The following ADAMTS9 variants were observed in gnomAD, a reference collection of about 807,000 sequenced individuals.
ADAMTS9 encodes ADAM metallopeptidase with thrombospondin type 1 motif 9.
In ADAMTS9, 107 loss-of-function variants were observed where a neutral mutation model predicts 257.1. The ratio of observed to expected loss-of-function variants is 0.42; its 90% confidence interval spans 0.36 to 0.49. The LOEUF (loss-of-function observed/expected upper bound fraction) is 0.49. Ranked by LOEUF, ADAMTS9 falls within the 20% of genes least tolerant of loss-of-function variation. ADAMTS9 has a pLI of 0.03. For synonymous variants in ADAMTS9, 982 were observed against 880.9 expected (o/e 1.11, Z -2.03); for missense variants, 2,353 against 2,469.1 (o/e 0.95, Z 1.00).
intron 28 of ADAMTS9, chr3:64,587,043 C>T (rs1252955037): frequency 6.6e-6 from 1 of 152,204 alleles, no homozygotes; most frequent in Non-Finnish European, 1.5e-5. Flanking sequence ...CTTAACTGAA[C>T]TTATGGCCAC....
rs575043420 is a variant in ADAMTS9, at chr3:64,550,820, C to T, written c.4869+72G>A. 483 of 1,579,716 alleles carry T rather than the reference C, an allele frequency of 3.1e-4. 2 individuals are homozygous for T. The Middle Eastern group carries it at 3.2e-3, about 10-fold the overall frequency. ...AAGTCTCCCACATTCCTGCACTCAT[C>T]CCTCCACTCATCCCTCTGCCACTCT... On this transcript the variant is annotated intron_variant, in intron 31 of 39. Transcript: ENST00000498707.
chr3:64,649,815 C>T (rs368586677), intron 9 of ADAMTS9, 37 bp from the exon 10 acceptor site: 28 of 1,586,246 alleles, frequency 1.8e-5, no homozygotes, highest in Middle Eastern at 1.9e-4. Flanking sequence ...ATGGTGAGAA[C>T]GGTGGCTGTC....
chr3:64,582,274 C>A (rs1190197606), intron 28 of ADAMTS9, among the ~76,000 whole-genome samples: 1 of 152,106 alleles, frequency 6.6e-6, no homozygotes, highest in Non-Finnish European at 1.5e-5. Context: ...CAAGTTAATG[C>A]CACATATTTG....
intron 38 of ADAMTS9, among the ~76,000 whole-genome samples, chr3:64,530,967 A>C (rs1251286145): frequency 6.6e-6 from 1 of 152,210 alleles, no homozygotes; most frequent in African/African-American, 2.4e-5. Context: ...TTTGGAGGGA[A>C]GGAATGGGGA....
At chr3:64,645,262 T>C (rs1436563603) in intron 11 of ADAMTS9, among the ~76,000 whole-genome samples, 1 of 152,228 alleles carries the variant, frequency 6.6e-6, no homozygotes, top group African/African-American at 2.4e-5. Flanking sequence ...GAGGTTGGAA[T>C]GGGGACTTGG....
At chr3:64,650,850 A>G (rs901189674) in intron 9 of ADAMTS9, 167 bp downstream of exon 9, 1 of 665,364 alleles carries the variant, frequency 1.5e-6, no homozygotes, top group Non-Finnish European at 2.4e-6. Flanking sequence ...GATATGAACT[A>G]CACAGATGTC....
chr3:64,586,384 G>T (rs2084154029), intron 28 of ADAMTS9, among the ~76,000 whole-genome samples: 1 of 152,162 alleles, frequency 6.6e-6, no homozygotes, highest in African/African-American at 2.4e-5. Flanking sequence ...GATAACTGAA[G>T]CTATCAATTC....
rs942409336 is a variant in ADAMTS9, at chr3:64,643,344, TA to T, written c.1711-1352del. Among the ~76,000 whole-genome samples the T allele has an allele frequency of 9.9e-4, 149 of 151,078 alleles. 1 individual carries two copies. The highest frequency in any genetic ancestry group is 3.4e-3 in the African/African-American group (141 of 41,130). ...TAATTTAAGAATTTCTAAAGTCACA[TA>T]AAAAACTAATAAAAAACTTAAATTA... On this transcript the variant is annotated intron_variant, in intron 11 of 39. Coordinates refer to ENST00000498707, the MANE Select transcript of ADAMTS9 (RefSeq NM_182920.2).
At chr3:64,599,333 C>G (rs1389568192) in intron 26 of ADAMTS9, among the ~76,000 whole-genome samples, 1 of 152,176 alleles carries the variant, frequency 6.6e-6, no homozygotes, top group Non-Finnish European at 1.5e-5. Flanking sequence ...CTTTAAATGA[C>G]AACATTTTCT....
At chr3:64,572,243 G>T (rs2083706618) in intron 28 of ADAMTS9, among the ~76,000 whole-genome samples, 1 of 152,170 alleles carries the variant, frequency 6.6e-6, no homozygotes. Context: ...TTTCTGTTGG[G>T]TGGCTTGAAG....
chr3:64,533,406 A>G, intron 37 of ADAMTS9, 136 bp from the exon 38 acceptor site: 1 of 686,554 alleles, frequency 1.5e-6, no homozygotes. Flanking sequence ...CTAATTATTG[A>G]TAGTATTTAG....
chr3:64,606,915 C>T (rs1425693465), intron 23 of ADAMTS9, 45 bp downstream of exon 23: 2 of 1,609,230 alleles, frequency 1.2e-6, no homozygotes, highest in South Asian at 1.1e-5. Flanking sequence ...AGTTTGGTAC[C>T]TTGGTCCCCA....
At chr3:64,596,046 T>A (rs531849807) in intron 27 of ADAMTS9, among the ~76,000 whole-genome samples, 30 of 152,216 alleles carry the variant, frequency 2.0e-4, no homozygotes, top group Middle Eastern at 3.2e-3. Flanking sequence ...TAATTATTAC[T>A]ACATTATAGT....
chr3:64,548,491 A>G (rs7616423), intron 31 of ADAMTS9, among the ~76,000 whole-genome samples: 1 of 151,956 alleles, frequency 6.6e-6, no homozygotes, highest in African/African-American at 2.4e-5. Context: ...TGCATTGACA[A>G]CAGTCCATAC....
intron 19 of ADAMTS9, among the ~76,000 whole-genome samples, chr3:64,618,865 T>C (rs1700031565): frequency 6.6e-6 from 1 of 152,206 alleles, no homozygotes; most frequent in African/African-American, 2.4e-5. Flanking sequence ...GGGTACCTTT[T>C]AATGTATTAG....
Position 64,546,768 on chromosome 3 carries a change from T to G in ADAMTS9, c.5054A>C (p.Asn1685Thr), listed in dbSNP as rs2083204825. The G allele has an allele frequency of 3.7e-6, 6 of 1,602,536 alleles. No homozygotes were observed. The highest frequency in any genetic ancestry group is 1.8e-4 in the Middle Eastern group (1 of 5,636). The part of the protein sequence containing the change: ...CPVSATWRVG[N>T]WGSCSVSCGV... ...CAGTCTTCTACTTACGCTCCCCCAGTTGCCAACTCTCCAGGTGGCCGAGAC... is the reference window on the plus strand; with the variant it reads ...CAGTCTTCTACTTACGCTCCCCCAGGTGCCAACTCTCCAGGTGGCCGAGAC... Residue 1685 changes from asparagine (N) to threonine (T), a missense_variant, in exon 32 of 40, where the codon AAC (asparagine) becomes ACC (threonine). This residue lies in a region of ADAMTS9 where 1,402 missense variants were observed against 1,441.4 expected (regional missense o/e 0.97). Coordinates refer to ENST00000498707, the MANE Select transcript of ADAMTS9 (RefSeq NM_182920.2).
rs182469073 is a variant in ADAMTS9 at position 64,666,478 on chromosome 3, G to C, written c.680-7687C>G. 4.0e-3 allele frequency among the ~76,000 whole-genome samples: 610 copies of C among 152,320 alleles called. 1 individual carries two copies. The highest frequency in any genetic ancestry group is 5.5e-3 in the Non-Finnish European group (376 of 68,030). ...ACCCCTTTCTGCTCCACCCAAGCTTGACAGAGAGAAGGAAGTCTGCACAGG... is the reference window on the plus strand; with the variant it reads ...ACCCCTTTCTGCTCCACCCAAGCTTCACAGAGAGAAGGAAGTCTGCACAGG... On this transcript the variant is annotated intron_variant, in intron 3 of 39. Transcript: ENST00000498707.
At chr3:64,674,094 T>TAA (rs1701564094) in intron 3 of ADAMTS9, among the ~76,000 whole-genome samples, 6 of 149,436 alleles carry the variant, frequency 4.0e-5, no homozygotes, top group African/African-American at 1.5e-4. Context: ...ACACTAAAGT[T>TAA]TTTTTTTAAA....
intron 23 of ADAMTS9, among the ~76,000 whole-genome samples, chr3:64,604,942 A>C (rs1479483021): frequency 6.6e-6 from 1 of 152,242 alleles, no homozygotes; most frequent in Non-Finnish European, 1.5e-5. Flanking sequence ...ACAGGAACAA[A>C]AGTACACACC....
Sources: allele counts gnomAD v4.1 joint callset (sites outside exome capture counted in the v4.1 genomes callset), GRCh38; gene constraint gnomAD v4.1.1; regional missense constraint gnomAD v4.1.1; transcripts MANE v1.5; gene names NCBI Gene and HGNC (gene_info 2026-07-23, HGNC 2026-07-21).